Variants in SCAMP4 observed in about 807,000 individuals in gnomAD.
SCAMP4 encodes secretory carrier-associated membrane protein 4.
In SCAMP4, 19 loss-of-function variants were observed where a neutral mutation model predicts 32.1. That is an observed-to-expected ratio of 0.59 (90% CI 0.41 to 0.87). The LOEUF is 0.87. SCAMP4 is among the 40% of genes least tolerant of loss of function. The pLI, the probability that SCAMP4 is intolerant of heterozygous loss-of-function variation, is 0.00. For synonymous variants in SCAMP4, 152 were observed against 132.7 expected (o/e 1.15, Z -1.00); for missense variants, 302 against 309.0 (o/e 0.98, Z 0.17).
At chr19:1,919,866 G>T (rs1245835576) in intron 5 of SCAMP4, among the ~76,000 whole-genome samples, 1 of 150,942 alleles carries the variant, frequency 6.6e-6, no homozygotes, top group Non-Finnish European at 1.5e-5. Context: ...CTGGGGTGCA[G>T]TGACATGATC....
At position 1,905,438 on chromosome 19, in the gene SCAMP4, A is replaced by C. The variant is rs908294340; in HGVS notation, c.-43A>C. On this transcript the variant is annotated splice_region_variant and 5_prime_UTR_variant, in exon 1 of 7. Transcript: ENST00000316097. ...CGCTGCGCTCGCGCCCGGATCCCTC[A>C]GGTAAGCGCGCGGCCCCGAGGTCTC... 2.2e-6 allele frequency: 1 copy of C among 462,128 alleles called. No individual in the cohort carries two copies. The highest frequency in any genetic ancestry group is 2.4e-5 in the Admixed American group (1 of 41,764). The allele number at this position is 462,128 out of a possible 1,614,324, so 28.6% of individuals were successfully genotyped here.
intron 1 of SCAMP4, among the ~76,000 whole-genome samples, chr19:1,910,556 T>C (rs1322737892): frequency 6.7e-6 from 1 of 149,334 alleles, no homozygotes; most frequent in Non-Finnish European, 1.5e-5. Context: ...CACTTGATAG[T>C]TTTTGGTTTT....
At chr19:1,913,975 GGCCAGGAGCCC>G (rs2013637114) in intron 1 of SCAMP4, among the ~76,000 whole-genome samples, 2 of 152,166 alleles carry the variant, frequency 1.3e-5, no homozygotes, top group Non-Finnish European at 2.9e-5. Context: ...CACCACTGCT[GGCCAGGAGCCC>G]GCCAGGCCTG....
At position 1,912,765 on chromosome 19, in the gene SCAMP4, G is replaced by A. The variant is rs1340599779; in HGVS notation, c.-41-2214G>A. ...CTGCGCGGACAACCCCCTCCTGCAC[G>A]CCGTCATGGTGTGCGTGGACCTCGT... On this transcript the variant is annotated intron_variant, in intron 1 of 6. Coordinates refer to ENST00000316097, the MANE Select transcript of SCAMP4 (RefSeq NM_079834.4). 1.9e-6 allele frequency: 3 copies of A among 1,558,572 alleles called. No individual in the cohort carries two copies. In the East Asian group the frequency reaches 7.2e-5, roughly 37 times the overall value.
Position 1,914,937 on chromosome 19 carries a change from G to C in SCAMP4, c.-41-42G>C, listed in dbSNP as rs188598875. 38 of 1,555,324 alleles carry C rather than the reference G, an allele frequency of 2.4e-5. No homozygotes were observed. In the Middle Eastern group the frequency reaches 1.2e-3, roughly 48 times the overall value. On this transcript the variant is annotated intron_variant, in intron 1 of 6. Coordinates refer to ENST00000316097, the MANE Select transcript of SCAMP4 (RefSeq NM_079834.4). ...GGGTGGGTGGTTAGCGCTCTGCCCA[G>C]GGCAGCTCAGGGTTCCCTGACTGTG...
chr19:1,923,077 C>T lies in SCAMP4; in HGVS notation c.403C>T (p.Leu135=), dbSNP rs780279897. ...CTCTCTTGTCCCTTGCAGCGGCTGGCTGTCGGCAATTGGATTCTTCCAGTA... is the reference window on the plus strand; with the variant it reads ...CTCTCTTGTCCCTTGCAGCGGCTGGTTGTCGGCAATTGGATTCTTCCAGTA... ...GFSGWGACGW[L]SAIGFFQYSP... The change falls in exon 6 of 7, where the codon CTG becomes TTG. Residue 135 remains leucine (L), a synonymous_variant. Transcript: ENST00000316097. The T allele has an allele frequency of 3.9e-6, 6 of 1,549,286 alleles. No individual in the cohort carries two copies. The highest frequency in any genetic ancestry group is 4.4e-6 in the Non-Finnish European group (5 of 1,145,914).
At position 1,912,155 on chromosome 19, in the gene SCAMP4, G is replaced by T. The variant is rs771938043; in HGVS notation, c.-41-2824G>T. 9.2e-5 allele frequency: 144 copies of T among 1,568,450 alleles called. No homozygotes were observed. The highest frequency in any genetic ancestry group is 2.3e-4 in the South Asian group (20 of 85,680). ...AGTGCTTGGAGGCCGGGAGCCCGGAGCCTGAGCCGGCGCCGTGGCAGGCCC... is the reference window on the plus strand; with the variant it reads ...AGTGCTTGGAGGCCGGGAGCCCGGATCCTGAGCCGGCGCCGTGGCAGGCCC... On this transcript the variant is annotated intron_variant, in intron 1 of 6. Transcript: ENST00000316097.
chr19:1,919,486 T>C, intron 5 of SCAMP4: 1 of 981,614 alleles, frequency 1.0e-6, no homozygotes, highest in Non-Finnish European at 1.2e-6. Flanking sequence ...TTCTGCCTTT[T>C]TTCTTTTCTT....
chr19:1,908,925 T>C lies in SCAMP4; in HGVS notation c.-42+3486T>C, dbSNP rs2013284599. ...TCCAAGACCAGCCTGGCCAACATGGTGGAACCCCGTCTCTACTGAAAATAC... is the reference window on the plus strand; with the variant it reads ...TCCAAGACCAGCCTGGCCAACATGGCGGAACCCCGTCTCTACTGAAAATAC... On this transcript the variant is annotated intron_variant, in intron 1 of 6. Coordinates refer to ENST00000316097, the MANE Select transcript of SCAMP4 (RefSeq NM_079834.4). The surrounding 1 kb of genome is among the most constrained non-coding windows in gnomAD (Gnocchi z 4.2). Among the ~76,000 whole-genome samples the C allele has an allele frequency of 6.6e-6, 1 of 151,820 alleles. No individual in the cohort carries two copies. Among genetic ancestry groups the C allele is most frequent in the Non-Finnish European group, 1.5e-5 (1 of 67,980 alleles).
intron 5 of SCAMP4, chr19:1,920,429 G>A (rs1168196349): frequency 1.1e-5 from 7 of 634,660 alleles, no homozygotes; most frequent in African/African-American, 2.0e-5. Context: ...CGATCTGCAG[G>A]CCTCTCCCCT....
Position 1,924,872 on chromosome 19 carries a change from C to T in SCAMP4, c.*588C>T, listed in dbSNP as rs1025580386. ...CGGCTCCAGCCTCGCCCCCTCCCCA[C>T]GTGCACCATACCTGGGGAGTTCCTG... On this transcript the variant is annotated 3_prime_UTR_variant, in exon 7 of 7. Transcript: ENST00000316097. The T allele has an allele frequency of 1.3e-5, 2 of 154,586 alleles. No individual in the cohort carries two copies. Among genetic ancestry groups the T allele is most frequent in the African/African-American group, 2.4e-5 (1 of 41,496 alleles). The allele number at this position is 154,586 out of a possible 1,614,324, so 9.6% of individuals were successfully genotyped here.
chr19:1,923,114 C>G lies in SCAMP4; in HGVS notation c.440C>G (p.Ala147Gly). 1 of 1,552,964 alleles carries G rather than the reference C, an allele frequency of 6.4e-7. No individual in the cohort carries two copies. Among genetic ancestry groups the G allele is most frequent in the Non-Finnish European group, 8.7e-7 (1 of 1,147,902 alleles). Reference sequence around the variant, plus strand: ...GGATTCTTCCAGTACAGCCCGGGCGCTGCCGTGGTCATGCTGCTTCCAGCC... The same window carrying G: ...GGATTCTTCCAGTACAGCCCGGGCGGTGCCGTGGTCATGCTGCTTCCAGCC... ...AIGFFQYSPG[A>G]AVVMLLPAIM... is the part of the protein sequence containing the mutation. The change falls in exon 6 of 7, where the codon GCT (alanine) becomes GGT (glycine). Residue 147 changes from alanine (A) to glycine (G), a missense_variant. By Grantham distance (60) the Ala-to-Gly change is moderately conservative. Coordinates refer to ENST00000316097, the MANE Select transcript of SCAMP4 (RefSeq NM_079834.4).
chr19:1,912,248 G>T, intron 1 of SCAMP4: 1 of 1,597,766 alleles, frequency 6.3e-7, no homozygotes. Context: ...CGCCCGTCCT[G>T]GACAAGCGCC....
In SCAMP4 at chr19:1,924,277, G is replaced by C. The variant is rs2014029447; in HGVS notation, c.683G>C (p.Trp228Ser). The part of the protein sequence containing the change: ...TVPSYPGSGQ[W>S]P ...CCCAGCTACCCGGGCAGTGGCCAGT[G>C]GCCTTAGAGGGAGCCTGCCCTGCCC... is the stretch of plus-strand genomic sequence containing the variant. The change falls in exon 7 of 7, where the codon TGG (tryptophan) becomes TCG (serine). Residue 228 changes from tryptophan to serine, a missense_variant. By Grantham distance (177) the Trp-to-Ser change is radical. Coordinates refer to ENST00000316097, the MANE Select transcript of SCAMP4 (RefSeq NM_079834.4). 4.4e-6 allele frequency: 7 copies of C among 1,590,494 alleles called. No homozygotes were observed. The highest frequency in any genetic ancestry group is 6.0e-6 in the Non-Finnish European group (7 of 1,169,878).
At position 1,924,372 on chromosome 19, in the gene SCAMP4, G is replaced by GCA. The variant is rs140344969; in HGVS notation, c.*88_*89insCA. The GCA allele has an allele frequency of 5.5e-3, 7,374 of 1,337,330 alleles. 288 individuals carry two copies. The African/African-American group carries it at 0.091, about 17-fold the overall frequency. 82.8% of individuals were successfully genotyped at this position (1,337,330 alleles called of 1,614,324 possible). On this transcript the variant is annotated 3_prime_UTR_variant, in exon 7 of 7. Transcript: ENST00000316097. ...GGTCCCGAGGGCTGGGAGTACCTGG[G>GCA]GCCCCATCCCCCCAGCTGGGATGGT...
chr19:1,918,269 C>G lies in SCAMP4; in HGVS notation c.279C>G (p.Val93=). ...GCTACGTGTGCTGGTTCCGGCCTGT[C>G]TACAAGGCCTTCCGGTGAGCAGAGC... ...PCGYVCWFRP[V]YKAFRADSSF... Residue 93 remains valine, a synonymous_variant, in exon 4 of 7, where the codon GTC becomes GTG. Coordinates refer to ENST00000316097, the MANE Select transcript of SCAMP4 (RefSeq NM_079834.4). The G allele has an allele frequency of 1.2e-6, 2 of 1,603,652 alleles. No individual in the cohort carries two copies. The highest frequency in any genetic ancestry group is 1.7e-6 in the Non-Finnish European group (2 of 1,178,088).
intron 3 of SCAMP4, 125 bp downstream of exon 3, chr19:1,917,947 G>C (rs1441736604): frequency 1.4e-6 from 2 of 1,392,520 alleles, no homozygotes; most frequent in Non-Finnish European, 2.0e-6. Context: ...TGGGCCTGGT[G>C]GTCCCTGCGG....
At chr19:1,912,911 G>C in intron 1 of SCAMP4, 1 of 1,609,448 alleles carries the variant, frequency 6.2e-7, no homozygotes, top group Non-Finnish European at 8.5e-7. Flanking sequence ...ACGCAGACGA[G>C]GACGGCCTCC....
intron 5 of SCAMP4, chr19:1,920,387 G>A (rs2013880727): frequency 2.4e-6 from 2 of 845,478 alleles, no homozygotes; most frequent in Admixed American, 1.2e-4. Context: ...CAGGTTTCCT[G>A]GGATGGTGAC....
Sources: gnomAD v4.1 joint callset for allele counts (sites outside exome capture counted in the v4.1 genomes callset) on GRCh38, gnomAD v4.1.1 for gene constraint, Gnocchi (gnomAD v3.1) non-coding constraint, MANE v1.5 for transcripts, NCBI Gene and HGNC (gene_info 2026-07-23, HGNC 2026-07-21) for gene names.